The following CCDC3 variants were observed in gnomAD, a reference collection of about 807,000 sequenced individuals.
The protein encoded by CCDC3 is coiled-coil domain containing 3, also known as coiled-coil domain-containing protein 3.
In CCDC3, 24 loss-of-function variants were observed where a neutral mutation model predicts 21.4. That is an observed-to-expected ratio of 1.12 (90% CI 0.81 to 1.58). CCDC3 has a LOEUF of 1.58. Ranked by LOEUF, CCDC3 falls within the 40% of genes most tolerant of loss-of-function variation. The pLI is 0.00. For synonymous variants in CCDC3, 186 were observed against 166.0 expected (o/e 1.12, Z -0.93); for missense variants, 425 against 360.9 (o/e 1.18, Z -1.44).
intron 2 of CCDC3, among the ~76,000 whole-genome samples, chr10:12,916,806 C>T (rs1252232840): frequency 6.6e-6 from 1 of 152,180 alleles, no homozygotes; most frequent in Non-Finnish European, 1.5e-5. Flanking sequence ...TCTGTGGCTG[C>T]TGGCTTGCTG....
At chr10:12,960,080 G>T (rs1175035160) in intron 2 of CCDC3, among the ~76,000 whole-genome samples, 4 of 152,062 alleles carry the variant, frequency 2.6e-5, no homozygotes, top group African/African-American at 9.6e-5. Context: ...CTTGAACCTG[G>T]GAGGCAGAGG....
intron 2 of CCDC3, among the ~76,000 whole-genome samples, chr10:12,933,808 C>A (rs1171260343): frequency 6.6e-6 from 1 of 152,048 alleles, no homozygotes; most frequent in East Asian, 1.9e-4. Flanking sequence ...GTAGTGATGG[C>A]CCCTCTTTCA....
chr10:13,017,110 G>A (rs1350882074), intron 5 of CCDC3, among the ~76,000 whole-genome samples: 1 of 152,022 alleles, frequency 6.6e-6, no homozygotes, highest in African/African-American at 2.4e-5. Flanking sequence ...ATGTGCTGGT[G>A]TCCTCGCTCT....
intron 3 of CCDC3, among the ~76,000 whole-genome samples, chr10:13,092,598 C>A (rs186730225): frequency 6.6e-6 from 1 of 152,248 alleles, no homozygotes; most frequent in East Asian, 1.9e-4. Flanking sequence ...TTGGAGTAAC[C>A]CCCGTGTGAC....
rs10588443 is a variant in CCDC3 at position 12,963,579 on chromosome 10, GTTTTTTTTT to G, written c.549+34750_549+34758del. ...ATTGAACTCCAGTTTTGTTTTCCGG[GTTTTTTTTT>G]TTTTTTTTTTTTCAGACAGGATCTC... On this transcript the variant is annotated intron_variant, in intron 2 of 2. Transcript: ENST00000378825. Among the ~76,000 whole-genome samples, 160 of 90,112 alleles carry G rather than the reference GTTTTTTTTT, an allele frequency of 1.8e-3. 1 individual carries two copies. Among genetic ancestry groups the G allele is most frequent in the African/African-American group, 6.2e-3 (150 of 24,296 alleles). The allele number at this position is 90,112 out of a possible 152,430, so 59.1% of individuals were successfully genotyped here.
chr10:13,086,647 C>T (rs532214204), intron 3 of CCDC3, among the ~76,000 whole-genome samples: 13 of 152,186 alleles, frequency 8.5e-5, no homozygotes, highest in East Asian at 5.8e-4. Flanking sequence ...GGGGTTTCAC[C>T]GTGTTAGCCA....
intron 2 of CCDC3, among the ~76,000 whole-genome samples, chr10:12,930,818 A>C (rs998622750): frequency 6.6e-6 from 1 of 152,202 alleles, no homozygotes; most frequent in African/African-American, 2.4e-5. Flanking sequence ...GAGGTCAAGA[A>C]GCCCCATTCT....
rs540090363 is a variant in CCDC3 at position 13,012,171 on chromosome 10, T to C, written c.-1-13659A>G. On this transcript the variant is annotated intron_variant, in intron 5 of 6. Transcript: ENST00000378839. ...TTCATGACGAACATGCCAAAAGCAA[T>C]TGCAACAAAAGCAAAAATTGACAAA... Among the ~76,000 whole-genome samples, 11 of 152,246 alleles carry C rather than the reference T, an allele frequency of 7.2e-5. 1 individual carries two copies. The East Asian group carries it at 2.1e-3, about 29-fold the overall frequency.
At chr10:13,004,460 C>A (rs1429483847), upstream of CCDC3, among the ~76,000 whole-genome samples, 1 of 152,070 alleles carries the variant, frequency 6.6e-6, no homozygotes, top group Non-Finnish European at 1.5e-5. Context: ...GGATAAGGTG[C>A]CCCATGAGTC....
intron 2 of CCDC3, among the ~76,000 whole-genome samples, chr10:12,914,725 T>C (rs1458152065): frequency 6.6e-6 from 1 of 152,082 alleles, no homozygotes; most frequent in African/African-American, 2.4e-5. Context: ...ATTACAGGTG[T>C]GCGTGAGCCA....
chr10:12,911,042 T>C (rs1209074730), intron 2 of CCDC3, among the ~76,000 whole-genome samples: 4 of 152,230 alleles, frequency 2.6e-5, no homozygotes, highest in African/African-American at 9.7e-5. Flanking sequence ...ACCACAGTTA[T>C]TCTTAGCGAC....
chr10:12,958,450 C>A (rs1450426742), intron 2 of CCDC3, among the ~76,000 whole-genome samples: 1 of 152,170 alleles, frequency 6.6e-6, no homozygotes, highest in East Asian at 1.9e-4. Context: ...AGATGATAGA[C>A]CCCCTCCTGC....
chr10:12,900,726 C>G (rs1834080668), intron 2 of CCDC3, among the ~76,000 whole-genome samples: 1 of 151,270 alleles, frequency 6.6e-6, no homozygotes, highest in Admixed American at 6.6e-5. Context: ...CCATCGAGCC[C>G]CACTATCTAC....
intron 5 of CCDC3, among the ~76,000 whole-genome samples, chr10:13,012,053 T>C (rs768163873): frequency 1.3e-5 from 2 of 152,152 alleles, no homozygotes; most frequent in Non-Finnish European, 2.9e-5. Context: ...CAACTCAAGA[T>C]GGATTAAAGA....
intron 5 of CCDC3, among the ~76,000 whole-genome samples, chr10:13,040,675 A>T (rs1357327966): frequency 7.1e-6 from 1 of 141,440 alleles, no homozygotes; most frequent in Non-Finnish European, 1.5e-5. Flanking sequence ...GGGCAACAAG[A>T]GCAAAACTCT....
intron 2 of CCDC3, among the ~76,000 whole-genome samples, chr10:12,976,753 G>A (rs75043824): frequency 6.6e-6 from 1 of 152,188 alleles, no homozygotes; most frequent in Non-Finnish European, 1.5e-5. Context: ...GCAGTGAAGT[G>A]GCTCTGTCCG....
rs1048973811 is a variant in CCDC3, at chr10:12,982,122, A to C, written c.549+16216T>G. Among the ~76,000 whole-genome samples the C allele has an allele frequency of 8.5e-4, 8 of 9,464 alleles. 1 individual carries two copies. In the Middle Eastern group the frequency reaches 0.17, roughly 197 times the overall value. 6.2% of individuals were successfully genotyped at this position (9,464 alleles called of 152,430 possible). On this transcript the variant is annotated intron_variant, in intron 2 of 2. Coordinates refer to ENST00000378825, the MANE Select transcript of CCDC3 (RefSeq NM_031455.4). ...GGGAGACAGAGAGAGACTCTGTCTC[A>C]AAAAAAAAAAAAAAAAAAAAAAAAA... is the stretch of plus-strand genomic sequence containing the variant.
chr10:12,985,760 A>C (rs1005977793), intron 2 of CCDC3, among the ~76,000 whole-genome samples: 3 of 152,224 alleles, frequency 2.0e-5, no homozygotes, highest in Non-Finnish European at 2.9e-5. Context: ...GGGATAGGTG[A>C]GGGGAAGGGT....
At position 12,922,948 on chromosome 10, in the gene CCDC3, T is replaced by C. The variant is rs542031058; in HGVS notation, c.550-24269A>G. Among the ~76,000 whole-genome samples the C allele has an allele frequency of 2.0e-5, 3 of 152,332 alleles. No homozygotes were observed. In the South Asian group the frequency reaches 6.2e-4, roughly 32 times the overall value. ...TCTGACATTGGCCAAATGTTCAGTA[T>C]ATAAACTTATGACATCCTTTCCTTC... is the stretch of plus-strand genomic sequence containing the variant. On this transcript the variant is annotated intron_variant, in intron 2 of 2. Transcript: ENST00000378825.
Sources: allele counts gnomAD v4.1 joint callset (sites outside exome capture counted in the v4.1 genomes callset), GRCh38; gene constraint gnomAD v4.1.1; transcripts MANE v1.5; gene names NCBI Gene and HGNC (gene_info 2026-07-23, HGNC 2026-07-21).